ADAM12: variants seen among roughly 807,000 people sequenced by gnomAD.
ADAM12 encodes disintegrin and metalloproteinase domain-containing protein 12.
A neutral mutation model predicts 106.4 loss-of-function variants in ADAM12; 70 were observed. That is an observed-to-expected ratio of 0.66 (90% CI 0.54 to 0.80). The LOEUF (loss-of-function observed/expected upper bound fraction) is 0.80, where lower values mean the gene tolerates loss of function less well. Among genes scored for constraint, ADAM12 ranks in the 30% least tolerant of loss-of-function variants. The pLI is 0.00. For synonymous variants in ADAM12, 420 were observed against 433.5 expected, an observed-to-expected ratio of 0.97 and a Z score of 0.39; for missense variants, 1,010 against 1,171.9, an observed-to-expected ratio of 0.86 and a Z score of 2.02.
At position 126,066,849 on chromosome 10, in the gene ADAM12, TATGCACTCACTGA is replaced by T. The variant is rs772225279; in HGVS notation, c.1324-56_1324-44del. 8.7e-5 allele frequency: 137 copies of T among 1,570,760 alleles called. No individual in the cohort carries two copies. Among genetic ancestry groups the T allele is most frequent in the Middle Eastern group, 1.7e-4 (1 of 5,980 alleles). On this transcript the variant is annotated intron_variant, in intron 12 of 22. Coordinates refer to ENST00000448723, the MANE Select transcript of ADAM12 (RefSeq NM_001288973.2). This position sits in a 1 kb window ranked among gnomAD's most constrained non-coding sequence, Gnocchi z 5.1. ...ATTTGTTTGACAGGGTCTTATGGAG[TATGCACTCACTGA>T]ATGCAAACATCACACCTTAAATGGC...
intron 3 of ADAM12, among the ~76,000 whole-genome samples, chr10:126,172,496 T>C (rs186209184): frequency 2.0e-5 from 3 of 151,930 alleles, no homozygotes; most frequent in Admixed American, 6.5e-5. Flanking sequence ...CCAACAAACA[T>C]ACAAAAAAAA....
In ADAM12 at chr10:126,028,395, C is replaced by T. The variant is rs184396649; in HGVS notation, c.2529+7751G>A. On this transcript the variant is annotated intron_variant, in intron 21 of 22. Coordinates refer to ENST00000448723, the MANE Select transcript of ADAM12 (RefSeq NM_001288973.2). ...AAAAAGAACAAAGCTGGAGGCATCA[C>T]GCTACCTGACTTCAAACTATACTAC... Among the ~76,000 whole-genome samples the T allele has an allele frequency of 4.7e-4, 72 of 152,282 alleles. 1 individual carries two copies. The highest frequency in any genetic ancestry group is 1.6e-3 in the Admixed American group (25 of 15,296).
At chr10:126,149,099 C>T (rs915042511) in intron 4 of ADAM12, among the ~76,000 whole-genome samples, 3 of 152,132 alleles carry the variant, frequency 2.0e-5, no homozygotes, top group Non-Finnish European at 4.4e-5. Context: ...CGGGGGAAGA[C>T]GAGGGGAATG....
At chr10:126,345,241 T>A in intron 1 of ADAM12, among the ~76,000 whole-genome samples, 1 of 152,220 alleles carries the variant, frequency 6.6e-6, no homozygotes, top group Non-Finnish European at 1.5e-5. Context: ...GAAGGGCTGT[T>A]GAATTTTGTC....
chr10:126,210,606 G>C (rs1388746896), intron 3 of ADAM12, among the ~76,000 whole-genome samples: 2 of 152,218 alleles, frequency 1.3e-5, no homozygotes, highest in East Asian at 3.9e-4. Flanking sequence ...GTCCAGTGAA[G>C]AAGGTGGTGG....
chr10:126,200,481 A>G (rs1230056448), intron 3 of ADAM12, among the ~76,000 whole-genome samples: 2 of 151,762 alleles, frequency 1.3e-5, no homozygotes, highest in African/African-American at 2.4e-5. Context: ...AATCAGCACG[A>G]CTCCTGTCTC....
chr10:126,155,256 T>A lies in ADAM12; in HGVS notation c.310A>T (p.Thr104Ser), dbSNP rs1373437727. The change falls in exon 4 of 23, where the codon ACT (threonine) becomes TCT (serine). Residue 104 changes from threonine to serine, a missense_variant. Transcript: ENST00000448723. ...TAATTTCGAGCGAGGGAGACATCAG[T>A]ACCGTCTTGCAGATAGTGGGTTTCC... The part of the protein sequence containing the change: ...FTETHYLQDG[T>S]DVSLARNYTG... The A allele has an allele frequency of 1.2e-6, 2 of 1,614,196 alleles. No homozygotes were observed. Among genetic ancestry groups the A allele is most frequent in the South Asian group, 2.2e-5 (2 of 91,078 alleles).
At chr10:126,274,751 T>C (rs1959207642) in intron 3 of ADAM12, among the ~76,000 whole-genome samples, 2 of 152,092 alleles carry the variant, frequency 1.3e-5, no homozygotes, top group African/African-American at 4.8e-5. Flanking sequence ...TCAACATGGG[T>C]TGGGTCAAGG....
chr10:126,137,334 C>G (rs572727397), intron 4 of ADAM12, among the ~76,000 whole-genome samples: 1 of 152,212 alleles, frequency 6.6e-6, no homozygotes, highest in East Asian at 1.9e-4. Context: ...GACTATTGCT[C>G]TATACTCTAT....
At chr10:126,348,744 C>T (rs371684514) in intron 1 of ADAM12, among the ~76,000 whole-genome samples, 31 of 152,106 alleles carry the variant, frequency 2.0e-4, no homozygotes, top group East Asian at 1.5e-3. Context: ...TTTATGAGAG[C>T]GAACCATAAA....
intron 4 of ADAM12, among the ~76,000 whole-genome samples, chr10:126,140,119 G>C (rs1158451678): frequency 2.6e-5 from 4 of 152,180 alleles, no homozygotes; most frequent in African/African-American, 9.7e-5. Flanking sequence ...GATTTTGGCT[G>C]CTTAAGGTAA....
intron 11 of ADAM12, among the ~76,000 whole-genome samples, chr10:126,073,778 T>TA (rs1404201898): frequency 6.6e-6 from 1 of 152,236 alleles, no homozygotes; most frequent in African/African-American, 2.4e-5. Flanking sequence ...TACCAGGACT[T>TA]ACTCATAGTG....
At position 126,288,308 on chromosome 10, in the gene ADAM12, G is replaced by T. The variant is rs1028479985; in HGVS notation, c.187-9320C>A. 2.0e-5 allele frequency among the ~76,000 whole-genome samples: 3 copies of T among 152,272 alleles called. No individual in the cohort carries two copies. In the South Asian group the frequency reaches 6.2e-4, roughly 32 times the overall value. On this transcript the variant is annotated intron_variant, in intron 2 of 22. Coordinates refer to ENST00000448723, the MANE Select transcript of ADAM12 (RefSeq NM_001288973.2). Reference sequence around the variant, plus strand: ...CCTGTGAGCTGAATTTCTTACATTTGTACTTGGGACTATACAAATGACCAA... The same window carrying T: ...CCTGTGAGCTGAATTTCTTACATTTTTACTTGGGACTATACAAATGACCAA...
At chr10:126,095,333 G>C (rs889448378) in intron 10 of ADAM12, among the ~76,000 whole-genome samples, 3 of 152,018 alleles carry the variant, frequency 2.0e-5, no homozygotes, top group Non-Finnish European at 4.4e-5. Flanking sequence ...AGGAGATCAA[G>C]ACCATCCTGG....
At chr10:126,322,133 T>C (rs1854122833) in intron 2 of ADAM12, among the ~76,000 whole-genome samples, 1 of 152,248 alleles carries the variant, frequency 6.6e-6, no homozygotes, top group African/African-American at 2.4e-5. Context: ...AAAATGATAC[T>C]AAATTCAAAT....
chr10:126,047,752 A>G (rs1425553712), intron 16 of ADAM12, among the ~76,000 whole-genome samples: 1 of 152,244 alleles, frequency 6.6e-6, no homozygotes, highest in Non-Finnish European at 1.5e-5. Flanking sequence ...TCAAAGGCCT[A>G]AAACAGAAAT....
chr10:126,107,132 T>A (rs1462891799), intron 8 of ADAM12, among the ~76,000 whole-genome samples: 1 of 152,106 alleles, frequency 6.6e-6, no homozygotes, highest in Admixed American at 6.5e-5. Context: ...GGAACACACA[T>A]GCATGTACAT....
intron 3 of ADAM12, among the ~76,000 whole-genome samples, chr10:126,240,108 C>A (rs564627211): frequency 6.6e-6 from 1 of 151,036 alleles, no homozygotes; most frequent in African/African-American, 2.5e-5. Flanking sequence ...CAGTGCTCAG[C>A]AGTGAAGTGC....
intron 17 of ADAM12, among the ~76,000 whole-genome samples, chr10:126,044,865 C>T (rs968375401): frequency 2.0e-5 from 3 of 152,216 alleles, no homozygotes; most frequent in African/African-American, 4.8e-5. Context: ...CTGCTGTGGA[C>T]GTACTAGCCC....
Sources: gnomAD v4.1 joint callset for allele counts (sites outside exome capture counted in the v4.1 genomes callset) on GRCh38, gnomAD v4.1.1 for gene constraint, Gnocchi (gnomAD v3.1) non-coding constraint, MANE v1.5 for transcripts, NCBI Gene and HGNC (gene_info 2026-07-23, HGNC 2026-07-21) for gene names.